Variants in NBEA observed in about 807,000 individuals in gnomAD.
NBEA encodes the protein lysosomal-trafficking regulator 2.
In NBEA, 44 loss-of-function variants were observed where a neutral mutation model predicts 343.4. That is an observed-to-expected ratio of 0.13 (90% CI 0.10 to 0.16). The LOEUF is 0.16. Among genes scored for constraint, NBEA ranks in the 10% least tolerant of loss-of-function variants. The pLI is 1.00. For missense variants in NBEA, 2,555 were observed against 3,631.3 expected (o/e 0.70, Z 7.62); for synonymous variants, 1,175 against 1,238.7 (o/e 0.95, Z 1.08).
intron 36 of NBEA, among the ~76,000 whole-genome samples, chr13:35,344,804 G>T (rs1420500441): frequency 6.6e-6 from 1 of 152,032 alleles, no homozygotes; most frequent in Admixed American, 6.6e-5. Context: ...ATAGTTTACA[G>T]GAATAGTCTA....
At chr13:35,631,725 G>A (rs1250233736) in intron 49 of NBEA, among the ~76,000 whole-genome samples, 1 of 150,480 alleles carries the variant, frequency 6.6e-6, no homozygotes, top group Non-Finnish European at 1.5e-5. Flanking sequence ...AATGGCTTAA[G>A]GTTATTGATT....
intron 32 of NBEA, among the ~76,000 whole-genome samples, chr13:35,210,780 A>C (rs933929231): frequency 1.3e-5 from 2 of 151,894 alleles, no homozygotes; most frequent in Admixed American, 6.6e-5. Flanking sequence ...TTATCGAAAA[A>C]TTTTTTCATT....
chr13:34,978,957 T>TTATTCCTTTTGGGTAAATAC (rs1361362288), intron 1 of NBEA, among the ~76,000 whole-genome samples: 1 of 152,208 alleles, frequency 6.6e-6, no homozygotes, highest in Non-Finnish European at 1.5e-5. Context: ...ATTCATGTTT[T>TTATTCCTTTTGGGTAAATAC]TATTCCTTTT....
intron 38 of NBEA, among the ~76,000 whole-genome samples, chr13:35,381,035 A>G (rs1030203342): frequency 1.3e-4 from 20 of 152,090 alleles, no homozygotes; most frequent in Non-Finnish European, 2.6e-4. Context: ...TAATTGCCAT[A>G]TGATTTTTCT....
chr13:35,106,748 G>A (rs114462728), intron 11 of NBEA, among the ~76,000 whole-genome samples: 1 of 151,128 alleles, frequency 6.6e-6, no homozygotes, highest in African/African-American at 2.4e-5. Flanking sequence ...ATTGGTATGC[G>A]AAAACAATGG....
chr13:35,526,818 C>T (rs1008380539), intron 41 of NBEA, among the ~76,000 whole-genome samples: 1 of 152,180 alleles, frequency 6.6e-6, no homozygotes, highest in African/African-American at 2.4e-5. Flanking sequence ...CAGGCAGCTC[C>T]AGGCACTGGC....
intron 1 of NBEA, among the ~76,000 whole-genome samples, chr13:35,027,898 A>G (rs2062070643): frequency 6.6e-6 from 1 of 151,938 alleles, no homozygotes; most frequent in South Asian, 2.1e-4. Flanking sequence ...TGGCCTGTTG[A>G]TAACCAGTTG....
chr13:35,210,292 G>GTGTGTGTGTGTGTGTGTT (rs2073681777), intron 32 of NBEA, among the ~76,000 whole-genome samples: 2 of 152,104 alleles, frequency 1.3e-5, no homozygotes, highest in Admixed American at 1.3e-4. Context: ...GTGTGTGTGT[G>GTGTGTGTGTGTGTGTGTT]TGTATGTGTG....
Position 35,021,371 on chromosome 13 carries a change from G to C in NBEA, c.295-19562G>C, listed in dbSNP as rs924556095. Among the ~76,000 whole-genome samples the C allele has an allele frequency of 2.0e-5, 3 of 152,078 alleles. No individual in the cohort carries two copies. The East Asian group carries it at 5.8e-4, about 29-fold the overall frequency. On this transcript the variant is annotated intron_variant, in intron 1 of 58. Transcript: ENST00000379939. ...TGCTGACCCTCTGCATTTTTTTGTA[G>C]ACAGATTGTAATGGAGTCTTGCTAT...
chr13:35,298,209 GTGTATA>G (rs57619004), intron 35 of NBEA, among the ~76,000 whole-genome samples: 1,505 of 60,594 alleles, frequency 0.025, 8 homozygotes, highest in East Asian at 0.051. Context: ...GTGTGTGTGT[GTGTATA>G]TATATATATA....
intron 39 of NBEA, among the ~76,000 whole-genome samples, chr13:35,442,656 T>C (rs1187035759): frequency 6.6e-6 from 1 of 152,182 alleles, no homozygotes; most frequent in Non-Finnish European, 1.5e-5. Context: ...AAAAATACTG[T>C]TTATGAATTT....
intron 1 of NBEA, among the ~76,000 whole-genome samples, chr13:34,991,441 AGGAGAGAG>A (rs1320945342): frequency 6.6e-6 from 1 of 152,208 alleles, no homozygotes; most frequent in African/African-American, 2.4e-5. Flanking sequence ...ATGGCAGAGC[AGGAGAGAG>A]GGAGTGAAAG....
chr13:35,301,223 C>A (rs1480896012), intron 35 of NBEA, among the ~76,000 whole-genome samples: 2 of 151,190 alleles, frequency 1.3e-5, no homozygotes, highest in South Asian at 4.2e-4. Context: ...GCAGAACATG[C>A]AGGTTTGTTA....
At chr13:35,214,693 A>T (rs1377514303) in intron 33 of NBEA, among the ~76,000 whole-genome samples, 1 of 151,712 alleles carries the variant, frequency 6.6e-6, no homozygotes, top group African/African-American at 2.4e-5. Flanking sequence ...TTCTAATTTG[A>T]CAGAGTTCAT....
Position 35,157,126 on chromosome 13 carries a change from C to T in NBEA, c.2700C>T (p.Gly900=), listed in dbSNP as rs766041172. The change falls in exon 21 of 59, where the codon GGC becomes GGT. Residue 900 remains glycine (G), a synonymous_variant. Coordinates refer to ENST00000379939, the MANE Select transcript of NBEA (RefSeq NM_001385012.1). ...SVWQDWMFSL[G]YINPKNSEEQ... is the part of the protein sequence containing the mutation. ...GGCAGGATTGGATGTTTTCTCTTGG[C>T]TATATCAATCCTAAAAATTCTGAGG... 1.9e-6 allele frequency: 3 copies of T among 1,605,992 alleles called. No homozygotes were observed. The highest frequency in any genetic ancestry group is 2.6e-6 in the Non-Finnish European group (3 of 1,175,940).
intron 41 of NBEA, among the ~76,000 whole-genome samples, chr13:35,494,064 T>C (rs1325284620): frequency 6.6e-6 from 1 of 151,894 alleles, no homozygotes; most frequent in Non-Finnish European, 1.5e-5. Context: ...ATATTTGTCT[T>C]TATGTAACTT....
At chr13:35,370,988 G>T (rs2041398861) in intron 38 of NBEA, among the ~76,000 whole-genome samples, 1 of 151,900 alleles carries the variant, frequency 6.6e-6, no homozygotes, top group Non-Finnish European at 1.5e-5. Context: ...TTACTAGTCT[G>T]ATTGGGGTTT....
intron 23 of NBEA, 40 bp from the exon 24 acceptor site, chr13:35,164,312 TTAAG>T (rs917770693): frequency 3.3e-6 from 5 of 1,507,638 alleles, no homozygotes; most frequent in African/African-American, 1.4e-5. Flanking sequence ...AGCTTTTCAT[TTAAG>T]TAAGCCAAAA....
intron 48 of NBEA, among the ~76,000 whole-genome samples, chr13:35,611,464 TAA>T (rs2082519132): frequency 6.6e-6 from 1 of 152,222 alleles, no homozygotes; most frequent in East Asian, 1.9e-4. Context: ...TTATATATCA[TAA>T]AATTCACTTG....
Sources: allele counts gnomAD v4.1 joint callset (sites outside exome capture counted in the v4.1 genomes callset), GRCh38; gene constraint gnomAD v4.1.1; transcripts MANE v1.5; gene names NCBI Gene and HGNC (gene_info 2026-07-23, HGNC 2026-07-21).